The following SRP72 variants were observed in gnomAD, a reference collection of about 807,000 sequenced individuals.
The protein encoded by SRP72 is signal recognition particle 72.
A neutral mutation model predicts 96.3 loss-of-function variants in SRP72; 49 were observed. The observed-to-expected ratio is 0.51, with a 90% confidence interval of 0.40 to 0.65. The LOEUF (loss-of-function observed/expected upper bound fraction) is 0.65. SRP72 is among the 30% of genes least tolerant of loss of function. The pLI is 0.00. For missense variants in SRP72, 736 were observed against 793.3 expected (o/e 0.93, Z 0.87); for synonymous variants, 267 against 275.2 (o/e 0.97, Z 0.30).
chr4:56,481,559 A>C (rs979336493), intron 8 of SRP72, among the ~76,000 whole-genome samples: 1 of 152,146 alleles, frequency 6.6e-6, no homozygotes, highest in African/African-American at 2.4e-5. Context: ...TTAGGAAAGG[A>C]AAAACAGTAG....
At position 56,502,786 on chromosome 4, in the gene SRP72, G is replaced by T. The variant is rs1721312238; in HGVS notation, c.*925G>T. ...GGCAGTATTAAAATCTAACAGGTCT[G>T]TTTGGCCCATTGATAGATACTCAAA... On this transcript the variant is annotated 3_prime_UTR_variant, in exon 19 of 19. Coordinates refer to ENST00000642900, the MANE Select transcript of SRP72 (RefSeq NM_006947.4). 6.6e-6 allele frequency: 1 copy of T among 152,014 alleles called. No individual in the cohort carries two copies. The highest frequency in any genetic ancestry group is 1.5e-5 in the Non-Finnish European group (1 of 67,998). The allele number at this position is 152,014 out of a possible 1,614,324, so 9.4% of individuals were successfully genotyped here. A position where few individuals can be genotyped will look rare whatever the true frequency, so the allele number is the denominator to read the frequency against.
intron 12 of SRP72, 190 bp from the exon 13 acceptor site, chr4:56,489,198 G>GA (rs776265678): frequency 7.2e-6 from 3 of 414,436 alleles, no homozygotes; most frequent in Non-Finnish European, 8.6e-6. Context: ...CTTCATATTT[G>GA]GAAAACACGG....
chr4:56,487,882 T>C, intron 11 of SRP72, 67 bp from the exon 12 acceptor site: 1 of 1,273,008 alleles, frequency 7.9e-7, no homozygotes, highest in Admixed American at 2.5e-5. Context: ...GGAAGTAAAA[T>C]TTCTTGTATT....
At chr4:56,469,128 A>G (rs12650288) in intron 1 of SRP72, among the ~76,000 whole-genome samples, 19,820 of 152,150 alleles carry the variant, frequency 0.13, 1,647 homozygotes, top group East Asian at 0.27. Flanking sequence ...TTCATTTCAT[A>G]TTGTCAGTAA....
intron 16 of SRP72, 89 bp from the exon 17 acceptor site, chr4:56,495,268 G>A (rs1051845959): frequency 2.6e-6 from 2 of 783,550 alleles, no homozygotes; most frequent in South Asian, 2.1e-5. Flanking sequence ...TTTATGATAA[G>A]TGCCCAACTA....
intron 17 of SRP72, among the ~76,000 whole-genome samples, 163 bp downstream of exon 17, chr4:56,495,557 G>C (rs1721048368): frequency 6.6e-6 from 1 of 152,056 alleles, no homozygotes; most frequent in South Asian, 2.1e-4. Flanking sequence ...TTACTTTAAA[G>C]ATCGCAATTC....
chr4:56,476,579 C>G (rs1001941255), intron 5 of SRP72, 92 bp from the exon 6 acceptor site: 20 of 1,345,472 alleles, frequency 1.5e-5, no homozygotes, highest in African/African-American at 2.9e-5. Context: ...TTGGAATCTT[C>G]TGCTTAGGAA....
In SRP72 at chr4:56,467,656, G is replaced by T. The variant is rs12513091; in HGVS notation, c.21G>T (p.Gly7=). The part of the protein sequence containing the change: MASGGS[G]GVSVPALWSE... ...CCAAGATGGCGAGCGGCGGCAGCGG[G>T]GGGGTGTCAGTACCTGCGCTGTGGA... The change falls in exon 1 of 19, where the codon GGG becomes GGT. Residue 7 remains glycine (G), a synonymous_variant. Transcript: ENST00000642900. 0.2 allele frequency: 317,935 copies of T among 1,555,988 alleles called. 35,055 individuals carry two copies. Among genetic ancestry groups the T allele is most frequent in the Admixed American group, 0.42 (21,020 of 49,980 alleles).
At chr4:56,488,389 T>C (rs566499802) in intron 12 of SRP72, among the ~76,000 whole-genome samples, 8 of 152,294 alleles carry the variant, frequency 5.3e-5, no homozygotes, top group Non-Finnish European at 8.8e-5. Context: ...ATATTGCAGG[T>C]TTCAATCATT....
chr4:56,494,466 G>A (rs994819275), intron 16 of SRP72, among the ~76,000 whole-genome samples: 3 of 149,392 alleles, frequency 2.0e-5, no homozygotes, highest in African/African-American at 7.4e-5. Flanking sequence ...GTGCAGTGGC[G>A]CAATCTCGCT....
rs142016712 is a variant in SRP72 at position 56,478,787 on chromosome 4, A to T, written c.825+138A>T. ...TCCAGTTGTAGCAAAATCACAATGG[A>T]TAGTATTACTTAACTCTCCTAATGA... On this transcript the variant is annotated intron_variant, in intron 8 of 18. Coordinates refer to ENST00000642900, the MANE Select transcript of SRP72 (RefSeq NM_006947.4). The T allele has an allele frequency of 6.4e-5, 49 of 762,468 alleles. No individual in the cohort carries two copies. The East Asian group carries it at 1.3e-3, about 20-fold the overall frequency. The allele number at this position is 762,468 out of a possible 1,614,324, so 47.2% of individuals were successfully genotyped here.
At chr4:56,490,465 A>G (rs1032037999) in intron 14 of SRP72, 29 bp downstream of exon 14, 12 of 1,608,134 alleles carry the variant, frequency 7.5e-6, no homozygotes, top group Non-Finnish European at 8.5e-6. Context: ...AGTTGTAGAA[A>G]TAACACATTT....
chr4:56,489,455 A>G lies in SRP72; in HGVS notation c.1292A>G (p.Gln431Arg). 1 of 1,600,728 alleles carries G rather than the reference A, an allele frequency of 6.2e-7. No homozygotes were observed. Among genetic ancestry groups the G allele is most frequent in the Non-Finnish European group, 8.5e-7 (1 of 1,170,712 alleles). ...GATAGTGCCATTGAGGTCTTCACAC[A>G]AGCTATCCAGTGGTATCAAAACCAT... is the stretch of plus-strand genomic sequence containing the variant. Reference protein sequence around the residue: ...DIDSAIEVFTQAIQWYQNHQP... With the variant: ...DIDSAIEVFTRAIQWYQNHQP... Residue 431 changes from glutamine (Q) to arginine (R), a missense_variant, in exon 13 of 19, where the codon CAA becomes CGA. Gln to Arg is a conservative substitution (Grantham distance 43, BLOSUM62 1). Transcript: ENST00000642900.
chr4:56,477,026 T>A (rs1363729420), intron 6 of SRP72: 1 of 229,558 alleles, frequency 4.4e-6, no homozygotes, highest in Non-Finnish European at 8.3e-6. Context: ...TCTTATGTAG[T>A]GACATAATTC....
intron 7 of SRP72, 44 bp downstream of exon 7, chr4:56,478,547 T>C (rs773128697): frequency 6.2e-7 from 1 of 1,612,278 alleles, no homozygotes; most frequent in African/African-American, 1.3e-5. Context: ...GATGGGGTTC[T>C]TTTTAAAGGT....
chr4:56,475,088 T>TA, intron 5 of SRP72, among the ~76,000 whole-genome samples: 1 of 152,314 alleles, frequency 6.6e-6, no homozygotes, highest in Non-Finnish European at 1.5e-5. Context: ...CTGGAAGCTA[T>TA]AAAAGTGATG....
At chr4:56,482,433 G>A (rs1043443459) in intron 8 of SRP72, among the ~76,000 whole-genome samples, 1 of 144,540 alleles carries the variant, frequency 6.9e-6, no homozygotes, top group African/African-American at 2.6e-5. Context: ...GGGTGACAGA[G>A]CGAGACTCCA....
chr4:56,480,915 A>G (rs574475000), intron 8 of SRP72, among the ~76,000 whole-genome samples: 5 of 152,188 alleles, frequency 3.3e-5, no homozygotes, highest in Non-Finnish European at 7.3e-5. Flanking sequence ...CAACAGCACA[A>G]AAAAAAGTAC....
chr4:56,491,853 A>AT (rs889334843), intron 16 of SRP72, among the ~76,000 whole-genome samples: 39 of 148,744 alleles, frequency 2.6e-4, no homozygotes, highest in East Asian at 1.2e-3. Context: ...ATTTATTACT[A>AT]TTTTTTTTTT....
Sources: gnomAD v4.1 joint callset for allele counts (sites outside exome capture counted in the v4.1 genomes callset) on GRCh38, gnomAD v4.1.1 for gene constraint, MANE v1.5 for transcripts, NCBI Gene and HGNC (gene_info 2026-07-23, HGNC 2026-07-21) for gene names.